BMPR1B: variants seen among roughly 807,000 people sequenced by gnomAD.
The protein encoded by BMPR1B is bone morphogenetic protein receptor type 1B, also known as bone morphogenetic protein receptor type-1B.
Under a neutral mutation model 59.1 loss-of-function variants are expected in BMPR1B, and 12 were observed. That is an observed-to-expected ratio of 0.20 (90% CI 0.13 to 0.33). BMPR1B has a LOEUF of 0.33. BMPR1B is among the 10% of genes least tolerant of loss of function. The probability of loss-of-function intolerance (pLI) is 1.00; values close to 1 mark genes in which losing one functional copy is unlikely to be tolerated. For synonymous variants in BMPR1B, 237 were observed against 207.3 expected (o/e 1.14, Z -1.23); for missense variants, 550 against 610.9 (o/e 0.90, Z 1.05).
chr4:95,087,447 T>C (rs187169534), intron 3 of BMPR1B, among the ~76,000 whole-genome samples: 9 of 152,242 alleles, frequency 5.9e-5, no homozygotes, highest in Admixed American at 5.9e-4. Flanking sequence ...AAATTACCTC[T>C]CAGCCAGGTG....
intron 1 of BMPR1B, among the ~76,000 whole-genome samples, chr4:94,847,327 C>CT (rs1725372340): frequency 6.6e-6 from 1 of 152,174 alleles, no homozygotes; most frequent in Non-Finnish European, 1.5e-5. Context: ...TCCTTGTACA[C>CT]TGTTCGTGTA....
At chr4:95,121,230 A>G (rs1227129208) in intron 6 of BMPR1B, among the ~76,000 whole-genome samples, 1 of 152,260 alleles carries the variant, frequency 6.6e-6, no homozygotes, top group Non-Finnish European at 1.5e-5. Flanking sequence ...CAAGGAGGTA[A>G]AAGACCTCTA....
At chr4:95,090,925 C>G (rs1035574262) in intron 3 of BMPR1B, among the ~76,000 whole-genome samples, 1 of 151,744 alleles carries the variant, frequency 6.6e-6, no homozygotes, top group Non-Finnish European at 1.5e-5. Flanking sequence ...CTTCAGTTTT[C>G]CAAACATTTT....
chr4:94,904,935 T>A (rs1384919739), intron 2 of BMPR1B, among the ~76,000 whole-genome samples: 3 of 152,098 alleles, frequency 2.0e-5, no homozygotes, highest in Non-Finnish European at 4.4e-5. Context: ...TGAAATGGTC[T>A]GCCCTAAATT....
intron 3 of BMPR1B, among the ~76,000 whole-genome samples, chr4:95,088,429 G>T (rs554089783): frequency 1.3e-5 from 2 of 152,156 alleles, no homozygotes; most frequent in South Asian, 2.1e-4. Context: ...AATGAGAAGA[G>T]AAATATGTCC....
chr4:95,138,082 G>A (rs991971266), intron 10 of BMPR1B, among the ~76,000 whole-genome samples: 1 of 152,214 alleles, frequency 6.6e-6, no homozygotes, highest in African/African-American at 2.4e-5. Flanking sequence ...TCCTTCAGGA[G>A]CTCTTGTAAG....
chr4:94,894,242 C>T (rs987773881), intron 2 of BMPR1B, among the ~76,000 whole-genome samples: 3 of 152,000 alleles, frequency 2.0e-5, no homozygotes, highest in African/African-American at 4.8e-5. Flanking sequence ...AAATGGTACT[C>T]ATTGTGTGTT....
intron 1 of BMPR1B, among the ~76,000 whole-genome samples, chr4:94,799,772 C>G (rs546613448): frequency 1.3e-5 from 2 of 152,076 alleles, no homozygotes; most frequent in African/African-American, 4.8e-5. Context: ...CTCACTGCAA[C>G]CTGTGCCTCC....
intron 3 of BMPR1B, among the ~76,000 whole-genome samples, chr4:95,050,360 TAAG>T (rs1427603729): frequency 6.6e-6 from 1 of 152,198 alleles, no homozygotes; most frequent in East Asian, 1.9e-4. Flanking sequence ...TAGAGTAGTT[TAAG>T]GTTTCCTACA....
At position 94,779,423 on chromosome 4, in the gene BMPR1B, T is replaced by G. The variant is rs143611008; in HGVS notation, c.-183+21355T>G. 6.7e-3 allele frequency among the ~76,000 whole-genome samples: 1,019 copies of G among 152,322 alleles called. 8 individuals are homozygous for G. The highest frequency in any genetic ancestry group is 0.031 in the Middle Eastern group (9 of 294). On this transcript the variant is annotated intron_variant, in intron 1 of 12. Transcript: ENST00000515059. ...ACATTGCCTTAACTAGAATATAATA[T>G]AGAATAGAAATAGTGATAATGATCA...
intron 1 of BMPR1B, among the ~76,000 whole-genome samples, chr4:94,762,741 T>A (rs1318047077): frequency 6.6e-6 from 1 of 152,168 alleles, no homozygotes; most frequent in Admixed American, 6.5e-5. Context: ...TGGGTGGCTA[T>A]GAAAATGATG....
At chr4:95,022,196 C>A (rs1173420448) in intron 3 of BMPR1B, among the ~76,000 whole-genome samples, 1 of 152,100 alleles carries the variant, frequency 6.6e-6, no homozygotes, top group Non-Finnish European at 1.5e-5. Context: ...AATGAAACTT[C>A]TTTTTACACC....
intron 2 of BMPR1B, among the ~76,000 whole-genome samples, chr4:94,958,829 C>T (rs551623349): frequency 2.0e-4 from 31 of 152,152 alleles, no homozygotes; most frequent in African/African-American, 7.5e-4. Flanking sequence ...AATAAGAGGA[C>T]TCAGGCTGGA....
chr4:94,800,370 C>A (rs999741055), intron 1 of BMPR1B, among the ~76,000 whole-genome samples: 20 of 151,426 alleles, frequency 1.3e-4, no homozygotes, highest in Non-Finnish European at 1.5e-5. Context: ...TGGTAAATTG[C>A]CAAGTGTAGA....
chr4:95,111,481 A>G (rs1214090575), intron 4 of BMPR1B, among the ~76,000 whole-genome samples: 1 of 152,126 alleles, frequency 6.6e-6, no homozygotes, highest in Non-Finnish European at 1.5e-5. Flanking sequence ...GACATCTTCT[A>G]AAATTGGTTT....
At chr4:95,104,640 A>G (rs950042156) in intron 4 of BMPR1B, 73 bp downstream of exon 4, 34 of 1,565,310 alleles carry the variant, frequency 2.2e-5, no homozygotes, top group Middle Eastern at 1.7e-4. Flanking sequence ...ACTGTAGGCT[A>G]GTGTTTCAAA....
At chr4:94,951,683 C>T (rs1205945818) in intron 2 of BMPR1B, among the ~76,000 whole-genome samples, 1 of 152,120 alleles carries the variant, frequency 6.6e-6, no homozygotes, top group Non-Finnish European at 1.5e-5. Context: ...AGGATTTTTG[C>T]ATCAATATTC....
intron 1 of BMPR1B, among the ~76,000 whole-genome samples, chr4:94,774,811 CTCTA>C (rs1461800025): frequency 3.9e-5 from 6 of 152,116 alleles, no homozygotes. Context: ...CTGTTTCTCT[CTCTA>C]TCTTTTACAA....
chr4:94,844,591 G>A (rs1282845833), intron 1 of BMPR1B, among the ~76,000 whole-genome samples: 2 of 152,130 alleles, frequency 1.3e-5, no homozygotes, highest in Admixed American at 6.5e-5. Context: ...ATGTAGAGGA[G>A]CCTGAAGCAG....
Sources: gnomAD v4.1 joint callset for allele counts (sites outside exome capture counted in the v4.1 genomes callset) on GRCh38, gnomAD v4.1.1 for gene constraint, MANE v1.5 for transcripts, NCBI Gene and HGNC (gene_info 2026-07-23, HGNC 2026-07-21) for gene names.